Variants in PSMD1 observed in about 807,000 individuals in gnomAD.
The protein encoded by PSMD1 is proteasome 26S subunit, non-ATPase 1.
A neutral mutation model predicts 119.0 loss-of-function variants in PSMD1; 18 were observed. The ratio of observed to expected loss-of-function variants is 0.15; its 90% CI spans 0.10 to 0.22. The LOEUF is 0.22. PSMD1 is among the 10% of genes least tolerant of loss of function. The pLI is 1.00. For missense variants in PSMD1, 702 were observed against 1,158.5 expected (o/e 0.61, Z 5.72); for synonymous variants, 374 against 396.6 (o/e 0.94, Z 0.68).
intron 8 of PSMD1, among the ~76,000 whole-genome samples, chr2:231,076,162 A>C (rs77918850): frequency 6.6e-6 from 1 of 152,180 alleles, no homozygotes; most frequent in African/African-American, 2.4e-5. Context: ...TACCTATCAC[A>C]GGGTGAAAAA....
At chr2:231,108,629 G>GGACTCTGGTT (rs1178913386) in intron 16 of PSMD1, 2 of 1,613,916 alleles carry the variant, frequency 1.2e-6, no homozygotes, top group Admixed American at 3.3e-5. Context: ...GAGCCTCATT[G>GGACTCTGGTT]GACTCTGGTA....
At chr2:231,074,847 A>C (rs371472209) in intron 7 of PSMD1, among the ~76,000 whole-genome samples, 1 of 151,856 alleles carries the variant, frequency 6.6e-6, no homozygotes, top group Non-Finnish European at 1.5e-5. Flanking sequence ...GGATCTCCTG[A>C]CTCTGTTTCC....
chr2:231,138,555 G>A (rs968491931), intron 16 of PSMD1, among the ~76,000 whole-genome samples, 181 bp from the exon 17 acceptor site: 2 of 152,170 alleles, frequency 1.3e-5, no homozygotes, highest in African/African-American at 4.8e-5. Context: ...TCTGAATATT[G>A]AAGATCAGAT....
chr2:231,133,080 A>G (rs1260519441), intron 16 of PSMD1, among the ~76,000 whole-genome samples: 3 of 152,202 alleles, frequency 2.0e-5, no homozygotes, highest in South Asian at 2.1e-4. Context: ...AAGATTTCCA[A>G]TAGGCACTTA....
chr2:231,101,106 G>C (rs1694855919), intron 16 of PSMD1, among the ~76,000 whole-genome samples: 1 of 152,188 alleles, frequency 6.6e-6, no homozygotes, highest in Non-Finnish European at 1.5e-5. Flanking sequence ...GCTTGCATTT[G>C]TTTAGCACAG....
intron 16 of PSMD1, 90 bp from the exon 17 acceptor site, chr2:231,138,646 C>A (rs1696029873): frequency 1.1e-6 from 1 of 926,232 alleles, no homozygotes. Context: ...TTTCCTATAA[C>A]TTTTTCAAAA....
At chr2:231,171,561 T>C (rs1371423856) in intron 24 of PSMD1, among the ~76,000 whole-genome samples, 16 of 150,578 alleles carry the variant, frequency 1.1e-4, no homozygotes, top group Non-Finnish European at 8.9e-5. Flanking sequence ...TTTTTTTTTT[T>C]TTTTTTTTTT....
chr2:231,084,954 T>TA, intron 14 of PSMD1, 65 bp from the exon 15 acceptor site: 4 of 1,313,964 alleles, frequency 3.0e-6, no homozygotes, highest in Non-Finnish European at 4.4e-6. Flanking sequence ...CCACTATGCC[T>TA]ATTAGACTGT....
chr2:231,123,159 A>G (rs1221870603), intron 16 of PSMD1, among the ~76,000 whole-genome samples: 1 of 152,150 alleles, frequency 6.6e-6, no homozygotes, highest in Non-Finnish European at 1.5e-5. Flanking sequence ...ACTAACTTGA[A>G]TGACTTTTTA....
chr2:231,165,494 A>G (rs573224901), intron 22 of PSMD1, among the ~76,000 whole-genome samples: 3 of 152,170 alleles, frequency 2.0e-5, no homozygotes, highest in Non-Finnish European at 4.4e-5. Flanking sequence ...ACAAATCAGT[A>G]AAAAGTTCCT....
chr2:231,134,921 A>G (rs1239866364), intron 16 of PSMD1, among the ~76,000 whole-genome samples: 2 of 152,204 alleles, frequency 1.3e-5, no homozygotes, highest in African/African-American at 4.8e-5. Context: ...CTTGCTGTCT[A>G]AGTCTCTAAA....
chr2:231,099,664 G>A (rs1010927872), intron 16 of PSMD1, among the ~76,000 whole-genome samples: 2 of 152,094 alleles, frequency 1.3e-5, no homozygotes, highest in Non-Finnish European at 2.9e-5. Context: ...ACCTTTTGGG[G>A]TGAGGCTCAA....
chr2:231,165,721 T>C (rs1342389245), intron 22 of PSMD1, 150 bp from the exon 23 acceptor site: 1 of 655,928 alleles, frequency 1.5e-6, no homozygotes, highest in African/African-American at 1.8e-5. Flanking sequence ...TTTTCCCTCC[T>C]CTGAGTCTGA....
intron 19 of PSMD1, among the ~76,000 whole-genome samples, chr2:231,157,963 CTG>C (rs1051125112): frequency 2.0e-5 from 3 of 152,078 alleles, no homozygotes; most frequent in African/African-American, 7.2e-5. Context: ...TCGTAGAACA[CTG>C]TGCTGCAACT....
At chr2:231,115,335 G>A (rs1301154080) in intron 16 of PSMD1, among the ~76,000 whole-genome samples, 1 of 152,164 alleles carries the variant, frequency 6.6e-6, no homozygotes, top group African/African-American at 2.4e-5. Context: ...CCAGAAGGTA[G>A]CAAGGCTGAC....
At chr2:231,071,726 G>A (rs1347898185) in intron 6 of PSMD1, among the ~76,000 whole-genome samples, 4 of 152,112 alleles carry the variant, frequency 2.6e-5, no homozygotes, top group East Asian at 3.8e-4. Flanking sequence ...TAAAACAATG[G>A]CAGATCATAA....
At chr2:231,139,314 C>CTTTTTTTTT (rs60709158) in intron 17 of PSMD1, among the ~76,000 whole-genome samples, 100 of 93,540 alleles carry the variant, frequency 1.1e-3, no homozygotes, top group Non-Finnish European at 1.4e-3. Context: ...TTTTTTCTTT[C>CTTTTTTTTT]TTTTTTTTTT....
At chr2:231,100,953 C>T (rs1281581974) in intron 16 of PSMD1, among the ~76,000 whole-genome samples, 3 of 152,302 alleles carry the variant, frequency 2.0e-5, no homozygotes, top group Middle Eastern at 3.4e-3. Flanking sequence ...GCGGGGGCAC[C>T]ACCTGCCGAG....
intron 13 of PSMD1, 54 bp downstream of exon 13, chr2:231,083,048 A>AC: frequency 7.7e-7 from 1 of 1,305,274 alleles, no homozygotes; most frequent in Non-Finnish European, 1.1e-6. Context: ...ATGTAAATGT[A>AC]ATTACATTAG....
Sources: gnomAD v4.1 joint callset for allele counts (sites outside exome capture counted in the v4.1 genomes callset) on GRCh38, gnomAD v4.1.1 for gene constraint, MANE v1.5 for transcripts, NCBI Gene and HGNC (gene_info 2026-07-23, HGNC 2026-07-21) for gene names.